The following EFCAB10 variants were observed in gnomAD, a reference collection of about 807,000 sequenced individuals.
EFCAB10 encodes the protein EF-hand calcium-binding domain-containing protein 10.
In EFCAB10, 7 loss-of-function variants were observed where a neutral mutation model predicts 7.7. That is an observed-to-expected ratio of 0.91 (90% CI 0.52 to 1.72). EFCAB10 has a LOEUF of 1.72. Ranked by LOEUF, EFCAB10 falls within the 40% of genes most tolerant of loss-of-function variation. EFCAB10 has a pLI of 0.00. For synonymous variants in EFCAB10, 52 were observed against 21.0 expected (o/e 2.47, Z -4.03); for missense variants, 112 against 61.5 (o/e 1.82, Z -2.74).
In EFCAB10 at chr7:105,567,155, C is replaced by G. The variant is rs200305797; in HGVS notation, c.383+312G>C. Reference sequence around the variant, plus strand: ...CCTGTATTGTTTTGAATTTGAACGTCGGTTCTGCACTACTGCTGAAAGATG... The same window carrying G: ...CCTGTATTGTTTTGAATTTGAACGTGGGTTCTGCACTACTGCTGAAAGATG... On this transcript the variant is annotated intron_variant, in intron 4 of 4. Coordinates refer to ENST00000480514, the MANE Select transcript of EFCAB10 (RefSeq NM_001355526.2). 1.3e-6 allele frequency: 2 copies of G among 1,584,928 alleles called. No individual in the cohort carries two copies. Among genetic ancestry groups the G allele is most frequent in the Non-Finnish European group, 1.7e-6 (2 of 1,169,994 alleles).
At chr7:105,567,109 C>T (rs760779859) in intron 4 of EFCAB10, 1 of 1,510,798 alleles carries the variant, frequency 6.6e-7, no homozygotes, top group Non-Finnish European at 8.8e-7. Context: ...CCTTTGTTTT[C>T]CCTAAACAGT....
chr7:105,572,891 AATTTGCATTCACCCG>A (rs539998441), intron 1 of EFCAB10: 165 of 152,122 alleles, frequency 1.1e-3, no homozygotes, highest in African/African-American at 3.8e-3. Context: ...TTGTGGTTCT[AATTTGCATTCACCCG>A]ATTAGTGATA....
intron 1 of EFCAB10, among the ~76,000 whole-genome samples, chr7:105,576,445 C>T (rs75752260): frequency 0.059 from 8,924 of 151,782 alleles, 745 homozygotes; most frequent in African/African-American, 0.18. Context: ...TTCTCATCAT[C>T]ATTATTATTA....
chr7:105,578,574 T>C (rs935389313), intron 1 of EFCAB10, among the ~76,000 whole-genome samples: 5 of 151,856 alleles, frequency 3.3e-5, no homozygotes, highest in African/African-American at 1.2e-4. Context: ...TTCCAAGGCA[T>C]ATATTTAGGA....
At position 105,565,281 on chromosome 7, in the gene EFCAB10, T is replaced by G. The variant is rs763828038; in HGVS notation, c.*166A>C. 3.2e-6 allele frequency: 5 copies of G among 1,584,368 alleles called. No individual in the cohort carries two copies. The highest frequency in any genetic ancestry group is 4.3e-6 in the Non-Finnish European group (5 of 1,163,480). On this transcript the variant is annotated 3_prime_UTR_variant, in exon 5 of 5. Coordinates refer to ENST00000480514, the MANE Select transcript of EFCAB10 (RefSeq NM_001355526.2). ...GTAAAAATGTGTTTTTTCCAGATGG[T>G]TGTCCTTGCCATCTCAGTCAGAGCA... is the stretch of plus-strand genomic sequence containing the variant.
chr7:105,565,372 A>C lies in EFCAB10; in HGVS notation c.*75T>G. On this transcript the variant is annotated 3_prime_UTR_variant, in exon 5 of 5. Transcript: ENST00000480514. ...CTGACGTTACGAGACCATTTACTTCAGTTGGAGCAGCAGCTTTGTTTCTCC... is the reference window on the plus strand; with the variant it reads ...CTGACGTTACGAGACCATTTACTTCCGTTGGAGCAGCAGCTTTGTTTCTCC... 1 of 1,614,188 alleles carries C rather than the reference A, an allele frequency of 6.2e-7. No individual in the cohort carries two copies. The highest frequency in any genetic ancestry group is 8.5e-7 in the Non-Finnish European group (1 of 1,180,030).
chr7:105,565,202 C>A lies in EFCAB10; in HGVS notation c.*245G>T. 7.2e-7 allele frequency: 1 copy of A among 1,386,340 alleles called. No homozygotes were observed. Among genetic ancestry groups the A allele is most frequent in the Non-Finnish European group, 9.8e-7 (1 of 1,022,822 alleles). 85.9% of individuals were successfully genotyped at this position (1,386,340 alleles called of 1,614,324 possible). A position where few individuals can be genotyped will look rare whatever the true frequency, so the allele number is the denominator to read the frequency against. On this transcript the variant is annotated 3_prime_UTR_variant, in exon 5 of 5. Transcript: ENST00000480514. ...AATGCCCTAGGACAGAACACTTCCT[C>A]AAATTTAAAATGATTTAAAAACTTG...
chr7:105,579,333 A>T (rs1792165779), intron 1 of EFCAB10, among the ~76,000 whole-genome samples: 1 of 152,182 alleles, frequency 6.6e-6, no homozygotes, highest in African/African-American at 2.4e-5. Flanking sequence ...AGACTGGAGC[A>T]GGAAGACACA....
intron 1 of EFCAB10, among the ~76,000 whole-genome samples, chr7:105,578,769 G>T (rs1164398630): frequency 3.3e-5 from 5 of 152,086 alleles, no homozygotes; most frequent in Non-Finnish European, 7.4e-5. Flanking sequence ...TTAAAATTGT[G>T]TCCACTCTTA....
At chr7:105,573,735 G>C (rs1311925944) in intron 1 of EFCAB10, 1 of 152,124 alleles carries the variant, frequency 6.6e-6, no homozygotes, top group Non-Finnish European at 1.5e-5. Flanking sequence ...ACTGTGTGAA[G>C]CATTTTCTAT....
At chr7:105,570,268 T>TATATATATATATATATATATATATAC (rs1188257284) in intron 1 of EFCAB10, among the ~76,000 whole-genome samples, 3 of 66,458 alleles carry the variant, frequency 4.5e-5, no homozygotes, top group Non-Finnish European at 8.1e-5. Flanking sequence ...TATATATATA[T>TATATATATATATATATATATATATAC]ACACACACAC....
chr7:105,570,623 C>A (rs1018635238), intron 1 of EFCAB10, among the ~76,000 whole-genome samples: 1 of 151,928 alleles, frequency 6.6e-6, no homozygotes, highest in Non-Finnish European at 1.5e-5. Flanking sequence ...TTGCCCAGAC[C>A]AGTCTCGAGC....
chr7:105,572,078 A>G (rs1791964016), intron 1 of EFCAB10: 1 of 152,204 alleles, frequency 6.6e-6, no homozygotes, highest in Non-Finnish European at 1.5e-5. Flanking sequence ...GAGAACACTT[A>G]TAATCTACTG....
At chr7:105,569,385 T>G (rs1299021769) in intron 2 of EFCAB10, 22 bp downstream of exon 2, 1 of 696,242 alleles carries the variant, frequency 1.4e-6, no homozygotes, top group Admixed American at 2.1e-5. Context: ...AACTATTACC[T>G]CAATTTGTAG....
At chr7:105,577,525 T>A (rs1336230957) in intron 1 of EFCAB10, among the ~76,000 whole-genome samples, 1 of 152,078 alleles carries the variant, frequency 6.6e-6, no homozygotes, top group Non-Finnish European at 1.5e-5. Context: ...CTGTGCTGCT[T>A]TGAGTGTGAT....
intron 1 of EFCAB10, among the ~76,000 whole-genome samples, chr7:105,570,462 C>T (rs1791920703): frequency 6.6e-6 from 1 of 151,362 alleles, no homozygotes; most frequent in Non-Finnish European, 1.5e-5. Context: ...AGAAATAATG[C>T]AGAACAATCA....
intron 1 of EFCAB10, among the ~76,000 whole-genome samples, chr7:105,577,052 TA>T (rs113658971): frequency 0.073 from 10,596 of 144,536 alleles, 1,247 homozygotes; most frequent in African/African-American, 0.25. Flanking sequence ...AACTCCGTCT[TA>T]AAAAAAAAAA....
chr7:105,568,873 C>T (rs979516876), intron 3 of EFCAB10, among the ~76,000 whole-genome samples: 12 of 151,770 alleles, frequency 7.9e-5, no homozygotes, highest in African/African-American at 2.7e-4. Context: ...TCGCTTGAAC[C>T]CGGGAGGTGG....
rs1420553787 is a variant in EFCAB10 at position 105,567,118 on chromosome 7, G to A, written c.383+349C>T. The A allele has an allele frequency of 2.6e-6, 4 of 1,549,634 alleles. No individual in the cohort carries two copies. Among genetic ancestry groups the A allele is most frequent in the Non-Finnish European group, 3.5e-6 (4 of 1,153,236 alleles). Reference sequence around the variant, plus strand: ...TTCCCTCCTTTGTTTTCCCTAAACAGTATAAAAGAAGCCTGTATTGTTTTG... The same window carrying A: ...TTCCCTCCTTTGTTTTCCCTAAACAATATAAAAGAAGCCTGTATTGTTTTG... On this transcript the variant is annotated intron_variant, in intron 4 of 4. Transcript: ENST00000480514.
Sources: allele counts gnomAD v4.1 joint callset (sites outside exome capture counted in the v4.1 genomes callset), GRCh38; gene constraint gnomAD v4.1.1; transcripts MANE v1.5; gene names NCBI Gene and HGNC (gene_info 2026-07-23, HGNC 2026-07-21).